The following OR7E24 variants were observed in gnomAD, a reference collection of about 807,000 sequenced individuals.
The protein encoded by OR7E24 is olfactory receptor 7E24.
For synonymous variants in OR7E24, 130 were observed against 157.5 expected (o/e 0.83, Z 1.31); for missense variants, 385 against 410.3 (o/e 0.94, Z 0.53).
At chr19:9,217,023 C>T in the OR7E24 span, among the ~76,000 whole-genome samples, 10 of 152,200 alleles carry the variant, frequency 6.6e-5, no homozygotes, top group Admixed American at 5.9e-4. Flanking sequence ...AGGTCTGTTA[C>T]GTCTTGTGAC....
the OR7E24 span, among the ~76,000 whole-genome samples, chr19:9,237,618 A>G: frequency 0.95 from 144,983 of 152,272 alleles, 69,054 homozygotes; most frequent in African/African-American, 0.99. Context: ...CCCGGCCTAG[A>G]TTGTTTTATT....
chr19:9,225,988 C>T, the OR7E24 span, among the ~76,000 whole-genome samples: 1 of 152,184 alleles, frequency 6.6e-6, no homozygotes, highest in Non-Finnish European at 1.5e-5. Flanking sequence ...CTGGGCTGCT[C>T]CCATCACGGC....
the OR7E24 span, chr19:9,211,211 T>C: frequency 6.6e-6 from 1 of 152,334 alleles, no homozygotes; most frequent in Non-Finnish European, 1.5e-5. Flanking sequence ...TAGGCCATTG[T>C]CCTGCAAGAA....
At position 9,251,179 on chromosome 19, in the gene OR7E24, G is replaced by T; in HGVS notation, c.136G>T (p.Ala46Ser). The change falls in exon 1 of 1, where the codon GCT becomes TCT. Residue 46 changes from alanine to serine, a missense_variant. Coordinates refer to ENST00000456448, the MANE Select transcript of OR7E24 (RefSeq NM_001079935.2). Reference sequence around the variant, plus strand: ...GGATCCAGAACTGCAGCCGGTCCTCGCTGGGCTGTTCCTGTCCATGTACCT... The same window carrying T: ...GGATCCAGAACTGCAGCCGGTCCTCTCTGGGCTGTTCCTGTCCATGTACCT... ...SEDPELQPVL[A>S]GLFLSMYLVT... 6.2e-7 allele frequency: 1 copy of T among 1,613,780 alleles called. No homozygotes were observed. The highest frequency in any genetic ancestry group is 2.2e-5 in the East Asian group (1 of 44,858).
chr19:9,235,819 A>T, the OR7E24 span: 1 of 1,611,558 alleles, frequency 6.2e-7, no homozygotes, highest in Non-Finnish European at 8.5e-7. Flanking sequence ...CTCCTCCTTA[A>T]TGAGAATGTC....
chr19:9,245,228 A>G (rs1486219821), upstream of OR7E24, among the ~76,000 whole-genome samples: 8 of 152,002 alleles, frequency 5.3e-5, no homozygotes, highest in Non-Finnish European at 1.0e-4. Flanking sequence ...AAAGAAAAAA[A>G]AAAATTGGGC....
At chr19:9,235,516 G>C in the OR7E24 span, 5 of 1,565,934 alleles carry the variant, frequency 3.2e-6, no homozygotes, top group African/African-American at 6.8e-5. Context: ...CCGGTTTGTG[G>C]CCATCTGCCA....
chr19:9,214,457 G>A, the OR7E24 span: 1 of 1,614,136 alleles, frequency 6.2e-7, no homozygotes, highest in Non-Finnish European at 8.5e-7. Context: ...GCAGTGGGTG[G>A]CAGATGGCCA....
the OR7E24 span, chr19:9,235,643 CCTT>C: frequency 0.017 from 26,488 of 1,590,680 alleles, 1,819 homozygotes; most frequent in African/African-American, 0.22. Context: ...AAGAGGCTGA[CCTT>C]CTCCACAGGC....
At chr19:9,235,923 C>G in the OR7E24 span, 1,327,128 of 1,605,314 alleles carry the variant, frequency 0.83, 556,986 homozygotes, top group Admixed American at 0.88. Flanking sequence ...GGGTCTATCT[C>G]AGTTCTGCTG....
At chr19:9,225,508 C>T in the OR7E24 span, among the ~76,000 whole-genome samples, 1 of 151,544 alleles carries the variant, frequency 6.6e-6, no homozygotes, top group Non-Finnish European at 1.5e-5. Flanking sequence ...AAAAAAACAA[C>T]AAAAAGGAGA....
At chr19:9,214,641 A>G in the OR7E24 span, 1 of 1,614,182 alleles carries the variant, frequency 6.2e-7, no homozygotes. Context: ...AACAAAGGAC[A>G]GGTTGGAGAG....
chr19:9,245,276 C>T (rs894820997), upstream of OR7E24, among the ~76,000 whole-genome samples: 1 of 151,804 alleles, frequency 6.6e-6, no homozygotes, highest in Non-Finnish European at 1.5e-5. Flanking sequence ...AGAACATATG[C>T]AAATGGCCAA....
chr19:9,240,207 A>T, the OR7E24 span, among the ~76,000 whole-genome samples: 2 of 151,976 alleles, frequency 1.3e-5, no homozygotes, highest in Non-Finnish European at 2.9e-5. Flanking sequence ...CTCCCATTCC[A>T]TAGGATGTCT....
In OR7E24 at chr19:9,251,163, A is replaced by C; in HGVS notation, c.120A>C (p.Glu40Asp). 1 of 1,613,960 alleles carries C rather than the reference A, an allele frequency of 6.2e-7. No homozygotes were observed. The highest frequency in any genetic ancestry group is 8.5e-7 in the Non-Finnish European group (1 of 1,179,944). Residue 40 changes from glutamate to aspartate, a missense_variant, in exon 1 of 1, where the codon GAA becomes GAC. Physicochemically the swap from Glu to Asp is conservative, Grantham distance 45. Coordinates refer to ENST00000456448, the MANE Select transcript of OR7E24 (RefSeq NM_001079935.2). Reference sequence around the variant, plus strand: ...TCCTGGGACTCTCAGAGGATCCAGAACTGCAGCCGGTCCTCGCTGGGCTGT... The same window carrying C: ...TCCTGGGACTCTCAGAGGATCCAGACCTGCAGCCGGTCCTCGCTGGGCTGT... ...FLLLGLSEDP[E>D]LQPVLAGLFL...
At chr19:9,209,490 G>A in the OR7E24 span, 3 of 152,096 alleles carry the variant, frequency 2.0e-5, no homozygotes, top group South Asian at 4.1e-4. Context: ...GATTTGGCAG[G>A]AAAGTTTAAG....
upstream of OR7E24, among the ~76,000 whole-genome samples, chr19:9,246,466 T>TGTGTGTG (rs1555720675): frequency 7.6e-6 from 1 of 130,986 alleles, no homozygotes; most frequent in African/African-American, 3.0e-5. Context: ...CTTAAAGGTA[T>TGTGTGTG]TGTGTGTGTG....
the OR7E24 span, among the ~76,000 whole-genome samples, chr19:9,217,143 C>G: frequency 6.6e-6 from 1 of 152,044 alleles, no homozygotes. Context: ...ACTACATACA[C>G]AAGATGAGAA....
At chr19:9,228,996 G>A in the OR7E24 span, among the ~76,000 whole-genome samples, 12 of 152,196 alleles carry the variant, frequency 7.9e-5, no homozygotes, top group East Asian at 5.8e-4. Context: ...TGGTGGTGAT[G>A]GTTTCAAGGA....
Sources: allele counts gnomAD v4.1 joint callset (sites outside exome capture counted in the v4.1 genomes callset), GRCh38; gene constraint gnomAD v4.1.1; transcripts MANE v1.5; gene names NCBI Gene and HGNC (gene_info 2026-07-23, HGNC 2026-07-21).